Variants in RERE observed in about 807,000 individuals in gnomAD.
The protein encoded by RERE is arginine-glutamic acid dipeptide repeats protein.
A neutral mutation model predicts 146.1 loss-of-function variants in RERE; 40 were observed. The ratio of observed to expected loss-of-function variants is 0.27; its 90% CI spans 0.21 to 0.36. The LOEUF is 0.36. Among genes scored for constraint, RERE ranks in the 10% least tolerant of loss-of-function variants. The pLI, the probability that RERE is intolerant of heterozygous loss-of-function variation, is 1.00. For synonymous variants in RERE, 1,003 were observed against 866.0 expected (o/e 1.16, Z -2.78); for missense variants, 1,933 against 2,138.7 (o/e 0.90, Z 1.90).
At chr1:8,736,243 G>A (rs1266882515) in intron 1 of RERE, among the ~76,000 whole-genome samples, 1 of 152,116 alleles carries the variant, frequency 6.6e-6, no homozygotes, top group Non-Finnish European at 1.5e-5. Flanking sequence ...GTCTTGCTCT[G>A]TTGCCCAGGC....
intron 7 of RERE, among the ~76,000 whole-genome samples, chr1:8,513,282 T>G (rs1304434093): frequency 6.6e-6 from 1 of 152,186 alleles, no homozygotes; most frequent in Non-Finnish European, 1.5e-5. Flanking sequence ...TTATAAAAAG[T>G]AATTGCATTT....
intron 12 of RERE, among the ~76,000 whole-genome samples, chr1:8,419,283 C>T (rs897994903): frequency 1.3e-5 from 2 of 152,156 alleles, no homozygotes; most frequent in African/African-American, 4.8e-5. Context: ...GGGTTTTCCG[C>T]AATCACAGCC....
intron 1 of RERE, among the ~76,000 whole-genome samples, chr1:8,661,379 G>A (rs914215724): frequency 9.8e-5 from 15 of 152,290 alleles, no homozygotes; most frequent in African/African-American, 3.6e-4. Flanking sequence ...TCATGGGCCA[G>A]GGAAAGGACT....
chr1:8,604,866 G>A (rs958757817), intron 4 of RERE, among the ~76,000 whole-genome samples: 3 of 152,134 alleles, frequency 2.0e-5, no homozygotes, highest in Non-Finnish European at 2.9e-5. Flanking sequence ...TAAAACATCT[G>A]CTTCTGTGCT....
intron 6 of RERE, among the ~76,000 whole-genome samples, chr1:8,548,708 G>A (rs1645896936): frequency 6.6e-6 from 1 of 152,238 alleles, no homozygotes; most frequent in Non-Finnish European, 1.5e-5. Flanking sequence ...CTTCAGGCCA[G>A]GCCCAGTGGC....
At chr1:8,501,745 G>A (rs1570351318) in intron 8 of RERE, among the ~76,000 whole-genome samples, 1 of 127,040 alleles carries the variant, frequency 7.9e-6, no homozygotes, top group East Asian at 2.6e-4. Flanking sequence ...CAGCCGCCCC[G>A]TCCGGGAGGG....
At chr1:8,611,450 G>C (rs561712311) in intron 4 of RERE, among the ~76,000 whole-genome samples, 1 of 152,010 alleles carries the variant, frequency 6.6e-6, no homozygotes, top group Non-Finnish European at 1.5e-5. Context: ...GTTGCAGTGA[G>C]CCGAGATCAT....
chr1:8,434,645 T>C (rs1644143045), intron 11 of RERE: 1 of 152,206 alleles, frequency 6.6e-6, no homozygotes, highest in Non-Finnish European at 1.5e-5. Context: ...TGTGACAGAA[T>C]GATACCAGGT....
In RERE at chr1:8,356,670, C is replaced by T. The variant is rs757305291; in HGVS notation, c.4340-424G>A. On this transcript the variant is annotated intron_variant, in intron 20 of 22. Transcript: ENST00000400908. This position sits in a 1 kb window ranked among gnomAD's most constrained non-coding sequence, Gnocchi z 5.2. ...CAGGGCTGTCTCCCTGCTCTTCACT[C>T]GCAGAACCTAAAGGAGGCCAGCAGA... Among the ~76,000 whole-genome samples, 7 of 152,184 alleles carry T rather than the reference C, an allele frequency of 4.6e-5. No homozygotes were observed. The highest frequency in any genetic ancestry group is 1.3e-4 in the Admixed American group (2 of 15,278).
At chr1:8,437,254 T>G (rs901157754) in intron 11 of RERE, among the ~76,000 whole-genome samples, 5 of 151,858 alleles carry the variant, frequency 3.3e-5, no homozygotes, top group African/African-American at 9.7e-5. Context: ...TTCTTGACAA[T>G]ACAACATGGG....
intron 12 of RERE, among the ~76,000 whole-genome samples, chr1:8,387,030 A>G (rs1642702080): frequency 6.6e-6 from 1 of 152,258 alleles, no homozygotes; most frequent in South Asian, 2.1e-4. Context: ...AAGTGCCACT[A>G]ATCAAGACAC....
chr1:8,494,616 C>T (rs1035113934), intron 10 of RERE, among the ~76,000 whole-genome samples: 3 of 152,006 alleles, frequency 2.0e-5, no homozygotes, highest in East Asian at 3.9e-4. Context: ...CCAGCTACTC[C>T]GGAGGCTGAG....
chr1:8,485,285 T>C (rs1644884472), intron 10 of RERE, among the ~76,000 whole-genome samples: 1 of 152,024 alleles, frequency 6.6e-6, no homozygotes, highest in Non-Finnish European at 1.5e-5. Context: ...CACTTGAACC[T>C]GGGAGGCGGA....
intron 1 of RERE, among the ~76,000 whole-genome samples, chr1:8,771,489 A>T (rs1312392156): frequency 2.0e-5 from 3 of 150,348 alleles, no homozygotes; most frequent in African/African-American, 7.4e-5. Flanking sequence ...GCGCCACTAC[A>T]CTCCAGCCTG....
At chr1:8,568,589 G>C (rs190435888) in intron 4 of RERE, among the ~76,000 whole-genome samples, 67 of 152,274 alleles carry the variant, frequency 4.4e-4, no homozygotes, top group African/African-American at 1.6e-3. Flanking sequence ...TCTCTTGTGA[G>C]CCCTACTGTC....
chr1:8,798,467 T>C, intron 1 of RERE: 1 of 204,394 alleles, frequency 4.9e-6, no homozygotes, highest in Non-Finnish European at 1.0e-5. Flanking sequence ...GTGGCTGCTA[T>C]AAAAACGGGC....
At chr1:8,619,197 G>C (rs1363106421) in intron 3 of RERE, among the ~76,000 whole-genome samples, 1 of 152,194 alleles carries the variant, frequency 6.6e-6, no homozygotes, top group Non-Finnish European at 1.5e-5. Context: ...TAGGCTGTTA[G>C]GGACACAAAT....
At chr1:8,554,057 G>T (rs1207193043) in intron 6 of RERE, among the ~76,000 whole-genome samples, 2 of 152,038 alleles carry the variant, frequency 1.3e-5, no homozygotes, top group Non-Finnish European at 2.9e-5. Flanking sequence ...CATGCCTGTA[G>T]TCCCAGCTAC....
At chr1:8,772,635 G>A (rs1377005334) in intron 1 of RERE, among the ~76,000 whole-genome samples, 1 of 151,758 alleles carries the variant, frequency 6.6e-6, no homozygotes, top group Admixed American at 6.6e-5. Context: ...TAATTAGTTG[G>A]GCATGGTGGC....
Sources: gnomAD v4.1 joint callset for allele counts (sites outside exome capture counted in the v4.1 genomes callset) on GRCh38, gnomAD v4.1.1 for gene constraint, Gnocchi (gnomAD v3.1) non-coding constraint, MANE v1.5 for transcripts, NCBI Gene and HGNC (gene_info 2026-07-23, HGNC 2026-07-21) for gene names.